The following IQCM variants were observed in gnomAD, a reference collection of about 807,000 sequenced individuals.
IQCM encodes the protein IQ domain-containing protein M.
Under a neutral mutation model 57.6 loss-of-function variants are expected in IQCM, and 45 were observed. The ratio of observed to expected loss-of-function variants is 0.78; its 90% CI spans 0.62 to 1.00. The LOEUF is 1.00. Among genes scored for constraint, IQCM ranks in the 50% least tolerant of loss-of-function variants. IQCM has a pLI of 0.00. For missense variants in IQCM, 468 were observed against 511.6 expected (o/e 0.91, Z 0.82); for synonymous variants, 148 against 158.9 (o/e 0.93, Z 0.51).
intron 7 of IQCM, among the ~76,000 whole-genome samples, chr4:149,623,427 C>T (rs1230402420): frequency 2.6e-5 from 4 of 152,102 alleles, no homozygotes; most frequent in African/African-American, 9.7e-5. Flanking sequence ...AGGTATCATA[C>T]TAGAAAATAT....
intron 12 of IQCM, among the ~76,000 whole-genome samples, chr4:149,496,849 A>G (rs1253096139): frequency 6.6e-6 from 1 of 152,142 alleles, no homozygotes; most frequent in Non-Finnish European, 1.5e-5. Flanking sequence ...CCCTTTATTC[A>G]TCAAATACTT....
chr4:149,449,606 C>T (rs1398517332), intron 12 of IQCM, among the ~76,000 whole-genome samples: 1 of 150,870 alleles, frequency 6.6e-6, no homozygotes, highest in East Asian at 2.0e-4. Flanking sequence ...AAAGTAATCT[C>T]ATTTAAATAG....
At chr4:149,357,363 A>G (rs1729079253) in intron 13 of IQCM, among the ~76,000 whole-genome samples, 2 of 152,156 alleles carry the variant, frequency 1.3e-5, no homozygotes, top group South Asian at 2.1e-4. Flanking sequence ...TCCATTCAGT[A>G]TGATATTGGC....
At position 149,487,452 on chromosome 4, in the gene IQCM, G is replaced by A. The variant is rs142648490; in HGVS notation, c.1229-53895C>T. Among the ~76,000 whole-genome samples, 12 of 152,234 alleles carry A rather than the reference G, an allele frequency of 7.9e-5. No homozygotes were observed. The East Asian group carries it at 1.7e-3, about 22-fold the overall frequency. On this transcript the variant is annotated intron_variant, in intron 12 of 13. Transcript: ENST00000636793. ...GTGCCAGTTGGTGTCTCCCTGTCAC[G>A]TGCCACCTTAGTCCACTGTCTCTAA...
chr4:149,644,921 A>G (rs950310182), intron 7 of IQCM, among the ~76,000 whole-genome samples: 14 of 152,224 alleles, frequency 9.2e-5, no homozygotes, highest in Non-Finnish European at 1.8e-4. Context: ...TGGCACCAGA[A>G]GTATACCAGC....
At chr4:149,783,604 T>C (rs1771813136) in intron 2 of IQCM, among the ~76,000 whole-genome samples, 1 of 152,258 alleles carries the variant, frequency 6.6e-6, no homozygotes, top group East Asian at 1.9e-4. Context: ...TTGATATTCA[T>C]GTCATTATGT....
chr4:149,445,868 C>T (rs1407760741), intron 12 of IQCM, among the ~76,000 whole-genome samples: 3 of 151,700 alleles, frequency 2.0e-5, no homozygotes, highest in Non-Finnish European at 4.4e-5. Context: ...ATACAGCTGC[C>T]CATTCACTTA....
intron 9 of IQCM, among the ~76,000 whole-genome samples, chr4:149,569,560 T>C (rs1407428208): frequency 6.6e-6 from 1 of 152,188 alleles, no homozygotes; most frequent in African/African-American, 2.4e-5. Context: ...CATTAGCAGG[T>C]AGTTTCTGCC....
chr4:149,393,972 A>G (rs1732043870), intron 13 of IQCM, among the ~76,000 whole-genome samples: 1 of 152,010 alleles, frequency 6.6e-6, no homozygotes, highest in Non-Finnish European at 1.5e-5. Context: ...TAAAACAATA[A>G]GCAGGGTGGA....
intron 13 of IQCM, among the ~76,000 whole-genome samples, chr4:149,365,759 G>C (rs975234357): frequency 2.0e-5 from 3 of 151,968 alleles, no homozygotes; most frequent in Non-Finnish European, 4.4e-5. Context: ...CAAATTGAGG[G>C]ACATTCTACA....
chr4:149,515,406 G>A (rs1253914634), intron 12 of IQCM, among the ~76,000 whole-genome samples: 1 of 152,144 alleles, frequency 6.6e-6, no homozygotes, highest in Non-Finnish European at 1.5e-5. Context: ...AGGTCCTGAA[G>A]ACAATAGTAA....
intron 2 of IQCM, among the ~76,000 whole-genome samples, chr4:149,782,220 T>G (rs1771668975): frequency 6.6e-6 from 1 of 152,056 alleles, no homozygotes; most frequent in African/African-American, 2.4e-5. Flanking sequence ...CATCCTACTC[T>G]TACTACTACT....
intron 13 of IQCM, among the ~76,000 whole-genome samples, chr4:149,408,008 GT>G (rs1733105512): frequency 6.6e-6 from 1 of 152,072 alleles, no homozygotes; most frequent in African/African-American, 2.4e-5. Context: ...AACATCTGCT[GT>G]TTTTTGACTT....
chr4:149,454,167 TACAC>T (rs200120358), intron 12 of IQCM, among the ~76,000 whole-genome samples: 100 of 144,036 alleles, frequency 6.9e-4, no homozygotes, highest in East Asian at 2.2e-3. Flanking sequence ...TATATATATA[TACAC>T]ACACACACAC....
At chr4:149,505,109 A>C (rs1469852557) in intron 12 of IQCM, among the ~76,000 whole-genome samples, 1 of 152,136 alleles carries the variant, frequency 6.6e-6, no homozygotes, top group East Asian at 1.9e-4. Context: ...CTAAGACAGC[A>C]ACCTATAGTG....
At chr4:149,696,824 A>G (rs1763375800) in intron 5 of IQCM, among the ~76,000 whole-genome samples, 1 of 152,120 alleles carries the variant, frequency 6.6e-6, no homozygotes, top group Non-Finnish European at 1.5e-5. Context: ...ACTACTATGT[A>G]CATTTAAAGT....
At chr4:149,584,057 A>T (rs1005926528) in intron 9 of IQCM, among the ~76,000 whole-genome samples, 5 of 151,534 alleles carry the variant, frequency 3.3e-5, no homozygotes, top group Admixed American at 6.6e-5. Context: ...AAAATTAAGA[A>T]CAACATTTAT....
At chr4:149,370,188 C>G (rs1025818714) in intron 13 of IQCM, among the ~76,000 whole-genome samples, 4 of 152,190 alleles carry the variant, frequency 2.6e-5, no homozygotes, top group African/African-American at 7.2e-5. Context: ...GCCACAACAT[C>G]CCACCTGTTG....
chr4:149,435,000 C>T (rs1029268677), intron 12 of IQCM, among the ~76,000 whole-genome samples: 1 of 152,094 alleles, frequency 6.6e-6, no homozygotes, highest in Non-Finnish European at 1.5e-5. Flanking sequence ...ATGCCAGCTC[C>T]GTGTACTCCA....
Sources: allele counts gnomAD v4.1 joint callset (sites outside exome capture counted in the v4.1 genomes callset), GRCh38; gene constraint gnomAD v4.1.1; transcripts MANE v1.5; gene names NCBI Gene and HGNC (gene_info 2026-07-23, HGNC 2026-07-21).